The following MICU2 variants were observed in gnomAD, a reference collection of about 807,000 sequenced individuals.
MICU2 encodes mitochondrial calcium uptake 2, also known as calcium uptake protein 2, mitochondrial.
A neutral mutation model predicts 60.4 loss-of-function variants in MICU2; 64 were observed. The observed-to-expected ratio is 1.06, with a 90% CI of 0.87 to 1.31. The LOEUF is 1.31. Among genes scored for constraint, MICU2 ranks in the 50% most tolerant of loss-of-function variants. The probability of loss-of-function intolerance (pLI) is 0.00; values close to 1 mark genes in which losing one functional copy is unlikely to be tolerated. For synonymous variants in MICU2, 201 were observed against 175.0 expected (o/e 1.15, Z -1.17); for missense variants, 569 against 531.0 (o/e 1.07, Z -0.70).
Position 21,604,155 on chromosome 13 carries a change from G to C in MICU2, c.-7C>G. 1 of 1,548,514 alleles carries C rather than the reference G, an allele frequency of 6.5e-7. No individual in the cohort carries two copies. Among genetic ancestry groups the C allele is most frequent in the South Asian group, 1.2e-5 (1 of 84,580 alleles). On this transcript the variant is annotated 5_prime_UTR_variant, in exon 1 of 12. Coordinates refer to ENST00000382374, the MANE Select transcript of MICU2 (RefSeq NM_152726.3). ...TACCCGCAGCCGCCGCCATCTTTGC[G>C]GAAGCGCAGCTAGGCGGCGCTTCTC...
Position 21,566,882 on chromosome 13 carries a change from C to A in MICU2, c.273G>T (p.Met91Ile), listed in dbSNP as rs761526718. 4.3e-6 allele frequency: 7 copies of A among 1,612,920 alleles called. No individual in the cohort carries two copies. The East Asian group carries it at 1.3e-4, about 31-fold the overall frequency. Residue 91 changes from methionine (M) to isoleucine (I), a missense_variant, in exon 2 of 12, where the codon ATG (methionine) becomes ATT (isoleucine). By Grantham distance (10) the Met-to-Ile change is conservative (BLOSUM62 1). Coordinates refer to ENST00000382374, the MANE Select transcript of MICU2 (RefSeq NM_152726.3). ...CTTCATGTTCGAGTGAAGAAAACTG[C>A]ATGAAGCGCTGCTTACGAAGAGACG... ...GKPSLRKQRF[M>I]QFSSLEHEGE...
intron 4 of MICU2, among the ~76,000 whole-genome samples, chr13:21,534,051 G>T (rs1164432034): frequency 6.6e-6 from 1 of 151,144 alleles, no homozygotes; most frequent in Non-Finnish European, 1.5e-5. Context: ...TCACGCCACT[G>T]CGCTCTAGTC....
rs374093164 is a variant in MICU2 at position 21,591,072 on chromosome 13, A to C, written c.210+12867T>G. On this transcript the variant is annotated intron_variant, in intron 1 of 11. Transcript: ENST00000382374. The stretch of plus-strand genomic sequence containing the variant: ...ATATAAATGGGCTAAATGCCCCAAT[A>C]AAAAGACACAGACTGGCAAATTGAA... 2.1e-3 allele frequency among the ~76,000 whole-genome samples: 321 copies of C among 152,258 alleles called. 1 individual carries two copies. The highest frequency in any genetic ancestry group is 7.5e-3 in the African/African-American group (311 of 41,552).
chr13:21,511,811 G>C (rs1168670499), intron 7 of MICU2, among the ~76,000 whole-genome samples: 1 of 151,328 alleles, frequency 6.6e-6, no homozygotes, highest in South Asian at 2.1e-4. Flanking sequence ...TCAGGAACTG[G>C]CATTTTTTTT....
At chr13:21,587,775 T>C (rs1027711410) in intron 1 of MICU2, among the ~76,000 whole-genome samples, 2 of 152,206 alleles carry the variant, frequency 1.3e-5, no homozygotes, top group Non-Finnish European at 2.9e-5. Context: ...TACTAAGTAT[T>C]AGTAAAATGA....
chr13:21,547,658 G>A (rs9552447), intron 2 of MICU2, among the ~76,000 whole-genome samples: 1 of 151,988 alleles, frequency 6.6e-6, no homozygotes, highest in East Asian at 1.9e-4. Context: ...ATGTATTTAC[G>A]AGTCTATTTG....
At chr13:21,552,115 T>C (rs1226255926) in intron 2 of MICU2, among the ~76,000 whole-genome samples, 2 of 152,168 alleles carry the variant, frequency 1.3e-5, no homozygotes, top group Non-Finnish European at 2.9e-5. Context: ...GACTTTTTAA[T>C]GATCGCCATT....
chr13:21,601,566 T>C (rs999078444), intron 1 of MICU2, among the ~76,000 whole-genome samples: 5 of 151,800 alleles, frequency 3.3e-5, no homozygotes, highest in African/African-American at 1.2e-4. Context: ...CCAAAATAAC[T>C]ACACTAGTGT....
intron 2 of MICU2, among the ~76,000 whole-genome samples, chr13:21,557,940 G>A (rs1887748160): frequency 6.6e-6 from 1 of 151,950 alleles, no homozygotes; most frequent in Admixed American, 6.6e-5. Context: ...TCTTTTTCTG[G>A]TATATCTGAT....
chr13:21,530,861 C>CCTGT (rs1886978808), intron 4 of MICU2: 2 of 738,758 alleles, frequency 2.7e-6, no homozygotes. Context: ...AGCCTGGACT[C>CCTGT]ACCCTCCTAC....
chr13:21,502,085 A>G (rs910538402), intron 9 of MICU2, among the ~76,000 whole-genome samples: 7 of 152,180 alleles, frequency 4.6e-5, no homozygotes, highest in African/African-American at 1.7e-4. Context: ...CTATTCAATA[A>G]TAGGGGATGT....
chr13:21,494,870 AT>A (rs557844402), intron 11 of MICU2, among the ~76,000 whole-genome samples: 3 of 151,206 alleles, frequency 2.0e-5, no homozygotes, highest in Non-Finnish European at 3.0e-5. Flanking sequence ...TTAAAAAATT[AT>A]TTTTTTTTGG....
Position 21,512,713 on chromosome 13 carries a change from T to C in MICU2, c.663+1640A>G, listed in dbSNP as rs965773798. 3.3e-5 allele frequency among the ~76,000 whole-genome samples: 5 copies of C among 152,284 alleles called. No individual in the cohort carries two copies. The South Asian group carries it at 6.2e-4, about 19-fold the overall frequency. On this transcript the variant is annotated intron_variant, in intron 7 of 11. Transcript: ENST00000382374. ...ATCTGCCCACCTCCGCCTCCCAAAA[T>C]GACGAATTTTTAATTTTGATGAAAT...
At chr13:21,600,454 C>T (rs989674497) in intron 1 of MICU2, among the ~76,000 whole-genome samples, 1 of 152,202 alleles carries the variant, frequency 6.6e-6, no homozygotes, top group African/African-American at 2.4e-5. Flanking sequence ...CAGTATTTAA[C>T]CCTACCACAG....
At chr13:21,497,305 C>T (rs1237715861) in intron 9 of MICU2, among the ~76,000 whole-genome samples, 1 of 151,966 alleles carries the variant, frequency 6.6e-6, no homozygotes, top group African/African-American at 2.4e-5. Context: ...GCGGAGGCTA[C>T]AGTGAGCCAA....
At chr13:21,509,181 A>C (rs1315670011) in intron 8 of MICU2, among the ~76,000 whole-genome samples, 1 of 152,222 alleles carries the variant, frequency 6.6e-6, no homozygotes. Flanking sequence ...GCACTGTCTC[A>C]CTATGCATGG....
At chr13:21,499,884 G>A (rs972939887) in intron 9 of MICU2, among the ~76,000 whole-genome samples, 5 of 152,112 alleles carry the variant, frequency 3.3e-5, no homozygotes, top group African/African-American at 1.2e-4. Context: ...AAATTGCGAG[G>A]CATGGTGGTA....
chr13:21,517,813 G>GCGCGCA (rs1555271297), intron 6 of MICU2, among the ~76,000 whole-genome samples: 3 of 142,138 alleles, frequency 2.1e-5, no homozygotes, highest in African/African-American at 7.6e-5. Flanking sequence ...GCGCGCGCGC[G>GCGCGCA]CACACGCGCT....
intron 2 of MICU2, among the ~76,000 whole-genome samples, chr13:21,560,623 A>AC (rs1887817668): frequency 1.1e-4 from 15 of 134,884 alleles, no homozygotes; most frequent in Non-Finnish European, 1.9e-4. Flanking sequence ...CTTGTCAAAA[A>AC]ACACACACAC....
Sources: allele counts gnomAD v4.1 joint callset (sites outside exome capture counted in the v4.1 genomes callset), GRCh38; gene constraint gnomAD v4.1.1; transcripts MANE v1.5; gene names NCBI Gene and HGNC (gene_info 2026-07-23, HGNC 2026-07-21).